LTBP2: variants seen among roughly 807,000 people sequenced by gnomAD.
LTBP2 encodes the protein latent transforming growth factor beta binding protein 2.
Under a neutral mutation model 210.6 loss-of-function variants are expected in LTBP2, and 103 were observed. That is an observed-to-expected ratio of 0.49 (90% CI 0.42 to 0.58). The LOEUF (loss-of-function observed/expected upper bound fraction) is 0.58, where lower values mean the gene tolerates loss of function less well. Among genes scored for constraint, LTBP2 ranks in the 20% least tolerant of loss-of-function variants. LTBP2 has a pLI of 0.00. For synonymous variants in LTBP2, 1,007 were observed against 1,015.0 expected, an observed-to-expected ratio of 0.99 and a Z score of 0.15; for missense variants, 2,313 against 2,494.5, an observed-to-expected ratio of 0.93 and a Z score of 1.55.
chr14:74,582,792 G>A (rs141447903), intron 3 of LTBP2, among the ~76,000 whole-genome samples: 27 of 152,318 alleles, frequency 1.8e-4, no homozygotes, highest in African/African-American at 6.3e-4. Flanking sequence ...TAGACCTGCC[G>A]AATCAGAACC....
chr14:74,611,432 T>C lies in LTBP2; in HGVS notation c.494+19A>G. On this transcript the variant is annotated intron_variant, in intron 1 of 35. Transcript: ENST00000261978. ...TGGCTCCCCTCTGTACCCTCCAAAC[T>C]TCCCTCTCCCATGCTCACCCCGTGA... 1 of 1,472,300 alleles carries C rather than the reference T, an allele frequency of 6.8e-7. No individual in the cohort carries two copies. The highest frequency in any genetic ancestry group is 8.9e-7 in the Non-Finnish European group (1 of 1,123,468). 91.2% of individuals were successfully genotyped at this position (1,472,300 alleles called of 1,614,324 possible).
Position 74,516,806 on chromosome 14 carries a change from C to G in LTBP2, c.2908+16G>C. The G allele has an allele frequency of 6.4e-7, 1 of 1,551,440 alleles. No homozygotes were observed. ...TGGTGGGGTGGCAGGGCGCTTCCCTCCTTCCCGTTCCTTACCTTGGCAGTG... is the reference window on the plus strand; with the variant it reads ...TGGTGGGGTGGCAGGGCGCTTCCCTGCTTCCCGTTCCTTACCTTGGCAGTG... On this transcript the variant is annotated intron_variant, in intron 18 of 35. Transcript: ENST00000261978.
chr14:74,573,624 T>C (rs1457872213), intron 3 of LTBP2, among the ~76,000 whole-genome samples: 1 of 152,206 alleles, frequency 6.6e-6, no homozygotes, highest in Non-Finnish European at 1.5e-5. Context: ...CCTTTAGACC[T>C]GGAGGGTAAG....
intron 4 of LTBP2, among the ~76,000 whole-genome samples, chr14:74,553,677 G>C (rs1170452564): frequency 6.6e-6 from 1 of 152,086 alleles, no homozygotes; most frequent in African/African-American, 2.4e-5. Context: ...TGATGTGCTG[G>C]GGGGTCCGGA....
chr14:74,611,250 T>C (rs777476333), intron 1 of LTBP2, among the ~76,000 whole-genome samples: 29 of 152,348 alleles, frequency 1.9e-4, no homozygotes, highest in Non-Finnish European at 4.0e-4. Context: ...ATGAGGATGA[T>C]GATCTATCTG....
chr14:74,544,073 T>C (rs1180182392), intron 8 of LTBP2, among the ~76,000 whole-genome samples: 2 of 152,180 alleles, frequency 1.3e-5, no homozygotes, highest in Non-Finnish European at 2.9e-5. Context: ...GCACAATTCA[T>C]TCCCAGCAGG....
chr14:74,574,333 A>G (rs1426733097), intron 3 of LTBP2, among the ~76,000 whole-genome samples: 1 of 152,194 alleles, frequency 6.6e-6, no homozygotes, highest in Non-Finnish European at 1.5e-5. Flanking sequence ...TAAGCACACC[A>G]CTAAGGCCAT....
chr14:74,510,326 C>T, intron 19 of LTBP2, 113 bp from the exon 20 acceptor site: 1 of 1,488,062 alleles, frequency 6.7e-7, no homozygotes, highest in African/African-American at 1.4e-5. Flanking sequence ...TTCAGAGGGG[C>T]CGCAGGCCAC....
rs1566616602 is a variant in LTBP2, at chr14:74,510,204, T to TTG, written c.3037_3038insCA (p.Glu1013AlafsTer4). 1 of 1,613,736 alleles carries TTG rather than the reference T, an allele frequency of 6.2e-7. No homozygotes were observed. The highest frequency in any genetic ancestry group is 8.5e-7 in the Non-Finnish European group (1 of 1,179,978). ...GGCACAGACCCCGGGAGTCAGACAC[T>TTG]CATTCACATCTGTGGGAGAGAAGTC... On this transcript the variant is annotated frameshift_variant, in exon 20 of 36. Transcript: ENST00000261978. LOFTEE classifies it high-confidence loss of function.
At chr14:74,528,805 A>C (rs2087311621) in intron 11 of LTBP2, 107 bp from the exon 12 acceptor site, 1 of 1,516,400 alleles carries the variant, frequency 6.6e-7, no homozygotes, top group African/African-American at 1.4e-5. Context: ...GGCAGCAAGG[A>C]GGGAGGGAGC....
At chr14:74,532,297 C>T (rs2087359968) in intron 10 of LTBP2, 129 bp downstream of exon 10, 45 of 1,308,734 alleles carry the variant, frequency 3.4e-5, no homozygotes, top group East Asian at 4.8e-5. Flanking sequence ...GTTGAATAGC[C>T]GACACAGGCC....
chr14:74,501,028 A>T lies in LTBP2; in HGVS notation c.5322T>A (p.Asp1774Glu). 1 of 1,613,252 alleles carries T rather than the reference A, an allele frequency of 6.2e-7. No homozygotes were observed. The highest frequency in any genetic ancestry group is 2.2e-5 in the East Asian group (1 of 44,868). The change falls in exon 36 of 36, where the codon GAT becomes GAA. Residue 1774 changes from aspartate (D) to glutamate (E), a missense_variant and splice_region_variant. Asp to Glu is a conservative substitution (Grantham distance 45). Transcript: ENST00000261978. ...QLDAAHMACV[D>E]VNECDDLNGP... ...CGTTCAAGTCATCACACTCATTCACATCTAAGAGGAAACAAAGGAGAGTGC... is the reference window on the plus strand; with the variant it reads ...CGTTCAAGTCATCACACTCATTCACTTCTAAGAGGAAACAAAGGAGAGTGC...
chr14:74,608,585 C>T (rs2088560030), intron 1 of LTBP2, among the ~76,000 whole-genome samples: 1 of 151,704 alleles, frequency 6.6e-6, no homozygotes. Flanking sequence ...TGACGTGCGC[C>T]CATAATCCCA....
chr14:74,535,758 CTGGATTTCCTTAGTCCCCTGG>C (rs1318401193), intron 9 of LTBP2, among the ~76,000 whole-genome samples, 147 bp downstream of exon 9: 2 of 152,152 alleles, frequency 1.3e-5, no homozygotes, highest in African/African-American at 2.4e-5. Flanking sequence ...AAGCAAGTCC[CTGGATTTCCTTAGTCCCCTGG>C]AATCAGCAGC....
At chr14:74,533,757 AG>A (rs1283197432) in intron 9 of LTBP2, among the ~76,000 whole-genome samples, 1 of 152,198 alleles carries the variant, frequency 6.6e-6, no homozygotes, top group Non-Finnish European at 1.5e-5. Flanking sequence ...GTGACCTCAA[AG>A]GGGGAAACCC....
intron 3 of LTBP2, among the ~76,000 whole-genome samples, chr14:74,561,032 G>A (rs753083136): frequency 6.6e-6 from 1 of 152,158 alleles, no homozygotes; most frequent in Admixed American, 6.5e-5. Flanking sequence ...AAATTTAAGA[G>A]TGTTACTAAA....
In LTBP2 at chr14:74,532,551, G is replaced by GC; in HGVS notation, c.1865-4dup. 1 of 1,613,946 alleles carries GC rather than the reference G, an allele frequency of 6.2e-7. No homozygotes were observed. The highest frequency in any genetic ancestry group is 1.7e-5 in the Admixed American group (1 of 60,014). On this transcript the variant is annotated splice_polypyrimidine_tract_variant and splice_region_variant and intron_variant, in intron 9 of 35. Transcript: ENST00000261978. ...CAGGGTCAAGCACTCGTTGATATCT[G>GC]CAGGGTTGGAGGAGATGACCAAGTG...
At chr14:74,557,191 G>A (rs1386606368) in intron 3 of LTBP2, among the ~76,000 whole-genome samples, 1 of 152,198 alleles carries the variant, frequency 6.6e-6, no homozygotes, top group African/African-American at 2.4e-5. Flanking sequence ...AACCTAGGAA[G>A]TGGAGGATGC....
In LTBP2 at chr14:74,509,267, C is replaced by T. The variant is rs1300214460; in HGVS notation, c.3374G>A (p.Arg1125Gln). ...FSCKDCDGGY[R>Q]PSPLGDSCED... Reference sequence around the variant, plus strand: ...ACAGGAGTCACCCAGGGGGCTGGGCCGGTAGCCCCCATCGCAGTCCTTGCA... The same window carrying T: ...ACAGGAGTCACCCAGGGGGCTGGGCTGGTAGCCCCCATCGCAGTCCTTGCA... Residue 1125 changes from arginine to glutamine, a missense_variant, in exon 22 of 36, where the codon CGG becomes CAG. Physicochemically the swap from Arg to Gln is conservative, Grantham distance 43. Coordinates refer to ENST00000261978, the MANE Select transcript of LTBP2 (RefSeq NM_000428.3). 3.7e-6 allele frequency: 6 copies of T among 1,613,492 alleles called. No individual in the cohort carries two copies. The highest frequency in any genetic ancestry group is 2.2e-5 in the East Asian group (1 of 44,896).
Sources: gnomAD v4.1 joint callset for allele counts (sites outside exome capture counted in the v4.1 genomes callset) on GRCh38, gnomAD v4.1.1 for gene constraint, MANE v1.5 for transcripts, NCBI Gene and HGNC (gene_info 2026-07-23, HGNC 2026-07-21) for gene names.